RBL1: variants seen among roughly 807,000 people sequenced by gnomAD.
RBL1 encodes the protein retinoblastoma-like protein 1.
In RBL1, 82 loss-of-function variants were observed where a neutral mutation model predicts 123.0. The observed-to-expected ratio is 0.67, with a 90% CI of 0.56 to 0.80. RBL1 has a LOEUF of 0.80. Ranked by LOEUF, RBL1 falls within the 30% of genes least tolerant of loss-of-function variation. The pLI is 0.00. For synonymous variants in RBL1, 405 were observed against 441.3 expected, an observed-to-expected ratio of 0.92 and a Z score of 1.03; for missense variants, 1,171 against 1,299.6, an observed-to-expected ratio of 0.90 and a Z score of 1.52.
At chr20:37,069,529 G>A (rs1171915846) in intron 2 of RBL1, among the ~76,000 whole-genome samples, 1 of 138,024 alleles carries the variant, frequency 7.2e-6, no homozygotes, top group Non-Finnish European at 1.6e-5. Flanking sequence ...GCCCGGCTGC[G>A]ACCCCGTCTG....
chr20:36,998,897 T>G lies in RBL1; in HGVS notation c.3069A>C (p.Gln1023His), dbSNP rs1371099530. 1.2e-6 allele frequency: 2 copies of G among 1,613,420 alleles called. No homozygotes were observed. Among genetic ancestry groups the G allele is most frequent in the Admixed American group, 3.3e-5 (2 of 59,912 alleles). Residue 1023 changes from glutamine to histidine, a missense_variant, in exon 22 of 22, where the codon CAA becomes CAC. By Grantham distance (24) the Gln-to-His change is conservative (BLOSUM62 0). Transcript: ENST00000373664. ...SLKDINNMIR[Q>H]GEQRTKKRVI... ...CTCGCTTCTTGGTTCTCTGCTCACCTTGCCTTATCATGTTGTTGATATCTT... is the reference window on the plus strand; with the variant it reads ...CTCGCTTCTTGGTTCTCTGCTCACCGTGCCTTATCATGTTGTTGATATCTT...
chr20:37,089,816 T>C lies in RBL1; in HGVS notation c.157-694A>G, dbSNP rs545258295. On this transcript the variant is annotated intron_variant, in intron 1 of 21. Coordinates refer to ENST00000373664, the MANE Select transcript of RBL1 (RefSeq NM_002895.5). ...GCGCGGTGGCTCATGCCTGGGAGGC[T>C]GGAGCGGGTGAATCACTTGAGGCCA... 4.6e-5 allele frequency among the ~76,000 whole-genome samples: 7 copies of C among 152,276 alleles called. No homozygotes were observed. The South Asian group carries it at 1.2e-3, about 27-fold the overall frequency.
chr20:37,043,289 AC>A (rs1305109872), intron 13 of RBL1, among the ~76,000 whole-genome samples: 1 of 151,858 alleles, frequency 6.6e-6, no homozygotes, highest in Non-Finnish European at 1.5e-5. Flanking sequence ...GAGTTCAAGA[AC>A]AGCCTGGACA....
chr20:37,069,803 G>T (rs1351586039), intron 2 of RBL1, among the ~76,000 whole-genome samples: 1 of 151,360 alleles, frequency 6.6e-6, no homozygotes, highest in African/African-American at 2.4e-5. Flanking sequence ...AGGTGGGGGG[G>T]TCAGCCCCCT....
At position 37,066,831 on chromosome 20, in the gene RBL1, A is replaced by G. The variant is rs1600567616; in HGVS notation, c.739T>C (p.Cys247Arg). 3.7e-6 allele frequency: 6 copies of G among 1,613,746 alleles called. No homozygotes were observed. Among genetic ancestry groups the G allele is most frequent in the Non-Finnish European group, 5.1e-6 (6 of 1,179,708 alleles). ...AGTTCACACAGTACAGCAATGATGC[A>G]GGGTGGCTCTTCAGAAGCCGTAAAG... ...ADFTASEEPP[C>R]IIAVLCELHD... Residue 247 changes from cysteine to arginine, a missense_variant, in exon 6 of 22, where the codon TGC becomes CGC. Coordinates refer to ENST00000373664, the MANE Select transcript of RBL1 (RefSeq NM_002895.5).
chr20:37,003,946 T>A, intron 20 of RBL1, 80 bp from the exon 21 acceptor site: 1 of 1,297,386 alleles, frequency 7.7e-7, no homozygotes, highest in Non-Finnish European at 1.0e-6. Flanking sequence ...TCTTATGGTA[T>A]CTTCTAGTTA....
At chr20:37,055,229 T>A (rs2064982673) in intron 11 of RBL1, among the ~76,000 whole-genome samples, 1 of 140,330 alleles carries the variant, frequency 7.1e-6, no homozygotes, top group Non-Finnish European at 1.5e-5. Context: ...TAATCCAAAA[T>A]CCTTGGAAGG....
chr20:37,007,770 T>C (rs2064098076), intron 19 of RBL1, among the ~76,000 whole-genome samples: 1 of 152,066 alleles, frequency 6.6e-6, no homozygotes, highest in South Asian at 2.1e-4. Context: ...TTTTTATTTT[T>C]AGTAGAGACG....
Position 37,005,136 on chromosome 20 carries a change from C to T in RBL1, c.2872-1270G>A, listed in dbSNP as rs140618811. On this transcript the variant is annotated intron_variant, in intron 20 of 21. Transcript: ENST00000373664. ...TTAAAAAGTAAGGACAGGCTGGGCG[C>T]GGTGGCTCATGCCTGTAATCCCAAC... 4.9e-4 allele frequency among the ~76,000 whole-genome samples: 75 copies of T among 151,820 alleles called. 1 individual carries two copies. The East Asian group carries it at 0.013, about 26-fold the overall frequency.
chr20:37,063,100 CAG>C (rs2065121928), intron 7 of RBL1, among the ~76,000 whole-genome samples: 1 of 152,114 alleles, frequency 6.6e-6, no homozygotes, highest in African/African-American at 2.4e-5. Context: ...GTTTTTAAGA[CAG>C]AGTCTCACTC....
chr20:36,998,600 T>G lies in RBL1; in HGVS notation c.*159A>C, dbSNP rs1177936075. On this transcript the variant is annotated 3_prime_UTR_variant, in exon 22 of 22. Transcript: ENST00000373664. ...TCAAAATACATCTCTGTCAACTACA[T>G]TTTGGATAAATATTTTAAAAAGCAC... 5.0e-5 allele frequency: 32 copies of G among 634,988 alleles called. No homozygotes were observed. The East Asian group carries it at 9.0e-4, about 18-fold the overall frequency. 39.3% of individuals were successfully genotyped at this position (634,988 alleles called of 1,614,324 possible). A position where few individuals can be genotyped will look rare whatever the true frequency, so the allele number is the denominator to read the frequency against.
chr20:37,003,816 G>A lies in RBL1; in HGVS notation c.2922C>T (p.Gly974=), dbSNP rs781774849. ...GCTGCTGGGAAATGCGGCGTGGTGA[G>A]CCTGGCTGTTGTTTAATATGTGGAA... ...SPFPHIKQQP[G]SPRRISQQHS... is the part of the protein sequence containing the mutation. Residue 974 remains glycine (G), a synonymous_variant, in exon 21 of 22, where the codon GGC becomes GGT. Coordinates refer to ENST00000373664, the MANE Select transcript of RBL1 (RefSeq NM_002895.5). The A allele has an allele frequency of 2.5e-6, 4 of 1,613,968 alleles. No homozygotes were observed. In the East Asian group the frequency reaches 6.7e-5, roughly 27 times the overall value.
chr20:37,021,183 A>G (rs1193205691), intron 17 of RBL1, among the ~76,000 whole-genome samples: 1 of 152,214 alleles, frequency 6.6e-6, no homozygotes. Flanking sequence ...ATTTCAGGAC[A>G]GACTGTAGGG....
chr20:37,020,039 TA>T (rs1209947717), intron 18 of RBL1, among the ~76,000 whole-genome samples: 9 of 151,100 alleles, frequency 6.0e-5, no homozygotes, highest in Non-Finnish European at 8.8e-5. Flanking sequence ...TAAATATCAT[TA>T]AAAAATAAAG....
At chr20:37,042,901 C>A (rs993838356) in intron 13 of RBL1, among the ~76,000 whole-genome samples, 7 of 110,102 alleles carry the variant, frequency 6.4e-5, no homozygotes, top group South Asian at 3.4e-4. Flanking sequence ...CTTGTCCCCC[C>A]CCCTCCAAAA....
chr20:37,001,122 C>CG (rs1555845406), intron 21 of RBL1, among the ~76,000 whole-genome samples: 6 of 133,974 alleles, frequency 4.5e-5, no homozygotes, highest in African/African-American at 8.5e-5. Context: ...CGGAGGGAGG[C>CG]GGGGGGGTCA....
In RBL1 at chr20:36,997,892, G is replaced by A. The variant is rs1195799164; in HGVS notation, c.*867C>T. The A allele has an allele frequency of 6.6e-6, 1 of 151,924 alleles. No homozygotes were observed. Among genetic ancestry groups the A allele is most frequent in the Non-Finnish European group, 1.5e-5 (1 of 68,002 alleles). 9.4% of individuals were successfully genotyped at this position (151,924 alleles called of 1,614,324 possible). A position where few individuals can be genotyped will look rare whatever the true frequency, so the allele number is the denominator to read the frequency against. On this transcript the variant is annotated 3_prime_UTR_variant, in exon 22 of 22. Transcript: ENST00000373664. ...AGCACTGGGGCTCAGGTACAAATCT[G>A]TTTATAAAGCTCAAGGAGAGAAAAG...
At position 37,082,157 on chromosome 20, in the gene RBL1, C is replaced by A. The variant is rs2065462998; in HGVS notation, c.290+6832G>T. On this transcript the variant is annotated intron_variant, in intron 2 of 21. Transcript: ENST00000373664. ...AGGGACAAGAATACAACCAGAAACC[C>A]CAGGGACCTGCGTACCTCCTTCTTT... is the stretch of plus-strand genomic sequence containing the variant. 1.7e-5 allele frequency: 6 copies of A among 356,930 alleles called. No individual in the cohort carries two copies. In the East Asian group the frequency reaches 4.8e-4, roughly 28 times the overall value. The allele number at this position is 356,930 out of a possible 1,614,324, so 22.1% of individuals were successfully genotyped here. A position where few individuals can be genotyped will look rare whatever the true frequency, so the allele number is the denominator to read the frequency against.
intron 7 of RBL1, among the ~76,000 whole-genome samples, chr20:37,064,002 T>C (rs1363058579): frequency 6.7e-6 from 1 of 149,240 alleles, no homozygotes; most frequent in Non-Finnish European, 1.5e-5. Flanking sequence ...TTGTATTTTT[T>C]GTAGAGACAA....
Sources: allele counts gnomAD v4.1 joint callset (sites outside exome capture counted in the v4.1 genomes callset), GRCh38; gene constraint gnomAD v4.1.1; transcripts MANE v1.5; gene names NCBI Gene and HGNC (gene_info 2026-07-23, HGNC 2026-07-21).